The following GLUD1 variants were observed in gnomAD, a reference collection of about 807,000 sequenced individuals.
GLUD1 encodes glutamate dehydrogenase 1.
Under a neutral mutation model 56.0 loss-of-function variants are expected in GLUD1, and 22 were observed. The observed-to-expected ratio is 0.39, with a 90% CI of 0.28 to 0.56. The LOEUF (loss-of-function observed/expected upper bound fraction) is 0.56. Ranked by LOEUF, GLUD1 falls within the 20% of genes least tolerant of loss-of-function variation. The pLI is 0.58. For synonymous variants in GLUD1, 223 were observed against 269.9 expected, an observed-to-expected ratio of 0.83 and a Z score of 1.70; for missense variants, 451 against 732.0, an observed-to-expected ratio of 0.62 and a Z score of 4.43.
chr10:87,064,105 G>A (rs1846010371), intron 5 of GLUD1, among the ~76,000 whole-genome samples: 1 of 152,118 alleles, frequency 6.6e-6, no homozygotes, highest in Admixed American at 6.5e-5. Flanking sequence ...TTAGTAGAGA[G>A]TAACATCCTG....
intron 4 of GLUD1, among the ~76,000 whole-genome samples, chr10:87,070,989 C>T (rs1039827355): frequency 1.1e-4 from 16 of 150,974 alleles, no homozygotes; most frequent in South Asian, 4.2e-4. Context: ...ATTAGCCGGG[C>T]GTGGTGGCGG....
intron 5 of GLUD1, among the ~76,000 whole-genome samples, chr10:87,067,359 G>A (rs1262476063): frequency 6.6e-6 from 1 of 152,128 alleles, no homozygotes; most frequent in African/African-American, 2.4e-5. Flanking sequence ...CCAGGTAGCT[G>A]GGATTATAGG....
chr10:87,071,582 G>A (rs1195226165), intron 4 of GLUD1, among the ~76,000 whole-genome samples: 2 of 152,224 alleles, frequency 1.3e-5, no homozygotes, highest in Admixed American at 6.5e-5. Context: ...TATAGAGTAG[G>A]AGATGAAAGG....
At chr10:87,087,164 G>C (rs1164383772) in intron 1 of GLUD1, among the ~76,000 whole-genome samples, 1 of 152,188 alleles carries the variant, frequency 6.6e-6, no homozygotes, top group African/African-American at 2.4e-5. Flanking sequence ...AGGACTCAGG[G>C]AAACGTTACT....
chr10:87,059,979 C>A (rs1472866457), intron 9 of GLUD1, among the ~76,000 whole-genome samples, 182 bp downstream of exon 9: 1 of 152,136 alleles, frequency 6.6e-6, no homozygotes, highest in African/African-American at 2.4e-5. Context: ...ATAAATGTTT[C>A]GATCAAAGTG....
chr10:87,093,361 T>G (rs1331934414), intron 1 of GLUD1, among the ~76,000 whole-genome samples: 1 of 152,198 alleles, frequency 6.6e-6, no homozygotes, highest in Non-Finnish European at 1.5e-5. Context: ...GGTTTGTCCT[T>G]TCCATTTTAT....
Position 87,062,707 on chromosome 10 carries a change from C to T in GLUD1, c.870G>A (p.Met290Ile). The stretch of plus-strand genomic sequence containing the variant: ...ACCCTGGTGTCATTCCTAAAATGCT[C>T]ATGTAAGAAGCTTCATTGATGAAAT... ...IENFINEASY[M>I]SILGMTPGFG... The change falls in exon 6 of 13, where the codon ATG becomes ATA. Residue 290 changes from methionine to isoleucine, a missense_variant. By Grantham distance (10) the Met-to-Ile change is conservative. Coordinates refer to ENST00000277865, the MANE Select transcript of GLUD1 (RefSeq NM_005271.5). 1 of 1,614,080 alleles carries T rather than the reference C, an allele frequency of 6.2e-7. No homozygotes were observed. The highest frequency in any genetic ancestry group is 8.5e-7 in the Non-Finnish European group (1 of 1,179,980).
At chr10:87,093,806 A>C (rs1171692840) in intron 1 of GLUD1, 2 of 682,716 alleles carry the variant, frequency 2.9e-6, no homozygotes, top group Non-Finnish European at 4.5e-6. Flanking sequence ...TGGTTAATAA[A>C]ACTGTCTAGA....
chr10:87,089,214 T>C lies in GLUD1; in HGVS notation c.445+5111A>G, dbSNP rs571790271. 2.0e-5 allele frequency among the ~76,000 whole-genome samples: 3 copies of C among 152,344 alleles called. No homozygotes were observed. In the South Asian group the frequency reaches 6.2e-4, roughly 32 times the overall value. On this transcript the variant is annotated intron_variant, in intron 1 of 12. Transcript: ENST00000277865. ...CATGAAGTGGTTCTCAATCAGCGCT[T>C]ACAATTAAAAGCCTAAGATACAATT...
intron 1 of GLUD1, among the ~76,000 whole-genome samples, chr10:87,081,028 GC>G (rs1170430246): frequency 4.3e-5 from 5 of 115,090 alleles, no homozygotes; most frequent in Non-Finnish European, 7.8e-5. Flanking sequence ...TGGGGGGTCA[GC>G]CCCCCGCCCG....
At chr10:87,064,164 C>T (rs1262514887) in intron 5 of GLUD1, among the ~76,000 whole-genome samples, 3 of 152,120 alleles carry the variant, frequency 2.0e-5, no homozygotes, top group Admixed American at 6.5e-5. Context: ...CCACCCGCCT[C>T]GGCCTCCCAA....
chr10:87,051,660 G>A lies in GLUD1; in HGVS notation c.*91C>T. ...TATCCATTATTAATGAGTCAGGAGA[G>A]AAAGGGATTTCTGTGGTTACATGTA... is the stretch of plus-strand genomic sequence containing the variant. On this transcript the variant is annotated 3_prime_UTR_variant, in exon 13 of 13. Coordinates refer to ENST00000277865, the MANE Select transcript of GLUD1 (RefSeq NM_005271.5). 3 of 1,385,472 alleles carry A rather than the reference G, an allele frequency of 2.2e-6. No homozygotes were observed. Among genetic ancestry groups the A allele is most frequent in the African/African-American group, 1.4e-5 (1 of 70,592 alleles). The allele number at this position is 1,385,472 out of a possible 1,614,324, so 85.8% of individuals were successfully genotyped here.
intron 9 of GLUD1, among the ~76,000 whole-genome samples, chr10:87,059,492 T>C (rs916696022): frequency 1.4e-4 from 22 of 152,118 alleles, no homozygotes; most frequent in African/African-American, 5.3e-4. Flanking sequence ...AAAAAAATCA[T>C]TTTTTGGCTT....
At chr10:87,083,808 C>A (rs1348046147) in intron 1 of GLUD1, among the ~76,000 whole-genome samples, 2 of 114,350 alleles carry the variant, frequency 1.7e-5, no homozygotes, top group Non-Finnish European at 3.6e-5. Flanking sequence ...ATAGTGAGAT[C>A]CCATCTCTAC....
At chr10:87,076,713 TA>T in intron 1 of GLUD1, 57 bp from the exon 2 acceptor site, 1 of 953,552 alleles carries the variant, frequency 1.0e-6, no homozygotes. Context: ...GGGTTATATT[TA>T]GAACAAACTT....
At chr10:87,092,563 CAA>C (rs1564567487) in intron 1 of GLUD1, 12 of 894,872 alleles carry the variant, frequency 1.3e-5, no homozygotes, top group Non-Finnish European at 1.6e-5. Context: ...GCTGTGGCAA[CAA>C]GAGAAAGAGG....
rs546180802 is a variant in GLUD1, at chr10:87,056,828, T to TA, written c.1494+862dup. Among the ~76,000 whole-genome samples, 520 of 145,018 alleles carry TA rather than the reference T, an allele frequency of 3.6e-3. 1 individual carries two copies. Among genetic ancestry groups the TA allele is most frequent in the South Asian group, 5.9e-3 (27 of 4,550 alleles). ...AGATCCATTGTTTTTGTTAATACATTAAAAAAAAAAAACTCTTTTTCAATT... is the reference window on the plus strand; with the variant it reads ...AGATCCATTGTTTTTGTTAATACATTAAAAAAAAAAAAACTCTTTTTCAATT... On this transcript the variant is annotated intron_variant, in intron 11 of 12. Coordinates refer to ENST00000277865, the MANE Select transcript of GLUD1 (RefSeq NM_005271.5).
chr10:87,081,564 A>T (rs1165655297), intron 1 of GLUD1, among the ~76,000 whole-genome samples: 2 of 151,750 alleles, frequency 1.3e-5, no homozygotes, highest in Non-Finnish European at 2.9e-5. Flanking sequence ...GTGTGGAAAG[A>T]AGTAGACATG....
At chr10:87,059,057 C>T (rs1450096571) in intron 10 of GLUD1, 93 bp downstream of exon 10, 1 of 1,409,314 alleles carries the variant, frequency 7.1e-7, no homozygotes, top group African/African-American at 1.4e-5. Flanking sequence ...TCAATTCTTT[C>T]CCAAAGGGAT....
Sources: allele counts gnomAD v4.1 joint callset (sites outside exome capture counted in the v4.1 genomes callset), GRCh38; gene constraint gnomAD v4.1.1; transcripts MANE v1.5; gene names NCBI Gene and HGNC (gene_info 2026-07-23, HGNC 2026-07-21).